Variants in PLCB1 observed in about 807,000 individuals in gnomAD.
PLCB1 encodes the protein 1-phosphatidylinositol 4,5-bisphosphate phosphodiesterase beta-1.
Under a neutral mutation model 161.8 loss-of-function variants are expected in PLCB1, and 46 were observed. The observed-to-expected ratio is 0.28, with a 90% confidence interval of 0.22 to 0.36. The LOEUF (loss-of-function observed/expected upper bound fraction) is 0.36, where lower values mean the gene tolerates loss of function less well. PLCB1 is among the 10% of genes least tolerant of loss of function. PLCB1 has a pLI of 1.00. For synonymous variants in PLCB1, 517 were observed against 503.7 expected, an observed-to-expected ratio of 1.03 and a Z score of -0.35; for missense variants, 1,016 against 1,472.5, an observed-to-expected ratio of 0.69 and a Z score of 5.07.
intron 2 of PLCB1, among the ~76,000 whole-genome samples, chr20:8,331,469 C>T (rs1456992944): frequency 6.6e-6 from 1 of 152,060 alleles, no homozygotes; most frequent in Non-Finnish European, 1.5e-5. Context: ...TTTCTCTTGG[C>T]AGGCTGATGC....
At chr20:8,626,177 CA>C (rs71184104) in intron 3 of PLCB1, among the ~76,000 whole-genome samples, 3,278 of 117,392 alleles carry the variant, frequency 0.028, 86 homozygotes, top group African/African-American at 0.087. Flanking sequence ...GACTCCATCT[CA>C]AAAAAAAAAA....
intron 18 of PLCB1, among the ~76,000 whole-genome samples, chr20:8,730,210 C>T (rs1026348742): frequency 5.9e-5 from 9 of 151,876 alleles, no homozygotes; most frequent in Non-Finnish European, 1.0e-4. Context: ...TGATTACAGC[C>T]TCCTCACCCC....
At chr20:8,274,275 A>C (rs1232934158) in intron 2 of PLCB1, among the ~76,000 whole-genome samples, 1 of 152,194 alleles carries the variant, frequency 6.6e-6, no homozygotes, top group Non-Finnish European at 1.5e-5. Flanking sequence ...TTGGCTTAAC[A>C]TCATTTTAAA....
intron 2 of PLCB1, among the ~76,000 whole-genome samples, chr20:8,222,418 T>C (rs1297246344): frequency 1.3e-5 from 2 of 152,172 alleles, no homozygotes; most frequent in Admixed American, 6.6e-5. Flanking sequence ...TTTGTCAACT[T>C]ATTGTGCCTG....
chr20:8,274,167 C>T (rs1982419211), intron 2 of PLCB1, among the ~76,000 whole-genome samples: 1 of 151,774 alleles, frequency 6.6e-6, no homozygotes, highest in Non-Finnish European at 1.5e-5. Context: ...TGTTTTTGCA[C>T]CACACACACA....
intron 1 of PLCB1, among the ~76,000 whole-genome samples, chr20:8,148,557 G>A (rs914767258): frequency 6.6e-6 from 1 of 152,152 alleles, no homozygotes; most frequent in Non-Finnish European, 1.5e-5. Flanking sequence ...CCACTTCTGG[G>A]TATATACTGA....
intron 3 of PLCB1, among the ~76,000 whole-genome samples, chr20:8,557,140 AT>A (rs895474762): frequency 1.3e-5 from 2 of 151,786 alleles, no homozygotes; most frequent in Non-Finnish European, 2.9e-5. Flanking sequence ...ATGGTATTGT[AT>A]TTTTTCAAAA....
intron 2 of PLCB1, among the ~76,000 whole-genome samples, chr20:8,234,532 A>G (rs1329504716): frequency 6.6e-6 from 1 of 152,132 alleles, no homozygotes; most frequent in African/African-American, 2.4e-5. Flanking sequence ...ATGCAGTACC[A>G]CATTAAAGGT....
chr20:8,801,234 CTGTT>C (rs1264716769), intron 31 of PLCB1, among the ~76,000 whole-genome samples: 2 of 152,184 alleles, frequency 1.3e-5, no homozygotes, highest in East Asian at 1.9e-4. Context: ...TCCCAAGTGT[CTGTT>C]TGGGCAACTC....
rs193005871 is a variant in PLCB1 at position 8,441,818 on chromosome 20, T to G, written c.246+70368T>G. On this transcript the variant is annotated intron_variant, in intron 3 of 31. Coordinates refer to ENST00000338037, the MANE Select transcript of PLCB1 (RefSeq NM_015192.4). ...AAACTCTTTATATCTGAAAAAAATT[T>G]TAAATCCTTTTAAATATCAATCCAG... is the stretch of plus-strand genomic sequence containing the variant. 3.3e-5 allele frequency among the ~76,000 whole-genome samples: 5 copies of G among 152,286 alleles called. No homozygotes were observed. In the East Asian group the frequency reaches 9.7e-4, roughly 29 times the overall value.
chr20:8,801,984 T>A, intron 31 of PLCB1: 1 of 918,798 alleles, frequency 1.1e-6, no homozygotes, highest in Non-Finnish European at 1.8e-6. Flanking sequence ...GACAAATAAT[T>A]GGAAACACCA....
At chr20:8,405,265 A>C (rs1293287828) in intron 3 of PLCB1, among the ~76,000 whole-genome samples, 6 of 152,108 alleles carry the variant, frequency 3.9e-5, no homozygotes, top group Non-Finnish European at 7.4e-5. Flanking sequence ...AGACTAGTCT[A>C]GAGTTGTCCC....
chr20:8,475,010 G>GACACAC lies in PLCB1; in HGVS notation c.246+103578_246+103583dup, dbSNP rs11468682. ...GTCAAAAAACAAGATCACACACACA[G>GACACAC]ACACACACACACACACACACACAGA... is the stretch of plus-strand genomic sequence containing the variant. On this transcript the variant is annotated intron_variant, in intron 3 of 31. Coordinates refer to ENST00000338037, the MANE Select transcript of PLCB1 (RefSeq NM_015192.4). Among the ~76,000 whole-genome samples the GACACAC allele has an allele frequency of 4.1e-5, 6 of 147,678 alleles. No homozygotes were observed. In the South Asian group the frequency reaches 1.3e-3, roughly 32 times the overall value.
At chr20:8,636,189 G>A (rs867264189) in intron 4 of PLCB1, among the ~76,000 whole-genome samples, 1 of 152,148 alleles carries the variant, frequency 6.6e-6, no homozygotes. Context: ...GTGCCAAAAA[G>A]ATCACTGTTT....
At chr20:8,704,081 C>T (rs531817378) in intron 11 of PLCB1, among the ~76,000 whole-genome samples, 1 of 152,160 alleles carries the variant, frequency 6.6e-6, no homozygotes. Context: ...TGGCCAGGCG[C>T]AGTGGCTCAT....
At chr20:8,332,518 G>A (rs184685383) in intron 2 of PLCB1, among the ~76,000 whole-genome samples, 1 of 152,254 alleles carries the variant, frequency 6.6e-6, no homozygotes. Context: ...TGCTTTCCAT[G>A]TTGCATCTCA....
At chr20:8,548,649 T>C (rs1985659991) in intron 3 of PLCB1, among the ~76,000 whole-genome samples, 1 of 152,180 alleles carries the variant, frequency 6.6e-6, no homozygotes, top group African/African-American at 2.4e-5. Context: ...ACCAAATCTC[T>C]GTATTTCAGA....
chr20:8,873,825 C>G (rs576516352), intron 31 of PLCB1, among the ~76,000 whole-genome samples: 1 of 151,860 alleles, frequency 6.6e-6, no homozygotes, highest in East Asian at 1.9e-4. Flanking sequence ...GAAACACTTA[C>G]GTTTTATTCA....
At chr20:8,673,298 G>A (rs1162837918) in intron 9 of PLCB1, among the ~76,000 whole-genome samples, 3 of 152,084 alleles carry the variant, frequency 2.0e-5, no homozygotes, top group Non-Finnish European at 4.4e-5. Context: ...CAGGTGGCTC[G>A]CAATGTGCAA....
Sources: gnomAD v4.1 joint callset for allele counts (sites outside exome capture counted in the v4.1 genomes callset) on GRCh38, gnomAD v4.1.1 for gene constraint, MANE v1.5 for transcripts, NCBI Gene and HGNC (gene_info 2026-07-23, HGNC 2026-07-21) for gene names.